Variants in TM9SF4 observed in about 807,000 individuals in gnomAD.
The protein encoded by TM9SF4 is transmembrane 9 superfamily member 4, also known as dinucleotide oxidase disulfide thiol exchanger 3 superfamily member 4.
TM9SF4 carries 26 observed loss-of-function variants against 90.4 expected under a neutral mutation model. The observed-to-expected ratio is 0.29, with a 90% CI of 0.21 to 0.40. TM9SF4 has a LOEUF of 0.40. Among genes scored for constraint, TM9SF4 ranks in the 10% least tolerant of loss-of-function variants. TM9SF4 has a pLI of 1.00. For synonymous variants in TM9SF4, 293 were observed against 315.4 expected (o/e 0.93, Z 0.75); for missense variants, 549 against 834.8 (o/e 0.66, Z 4.22).
chr20:32,113,705 T>C (rs2046181013), intron 1 of TM9SF4, among the ~76,000 whole-genome samples: 1 of 152,182 alleles, frequency 6.6e-6, no homozygotes, highest in Admixed American at 6.5e-5. Context: ...TTAAAGTATA[T>C]AATTTAGTGG....
chr20:32,126,121 C>T (rs2046419111), intron 1 of TM9SF4, among the ~76,000 whole-genome samples: 1 of 141,418 alleles, frequency 7.1e-6, no homozygotes, highest in Non-Finnish European at 1.5e-5. Context: ...GCCAGAGTAA[C>T]CTTTAAAACT....
chr20:32,125,179 GTCC>G (rs2046401420), intron 1 of TM9SF4, among the ~76,000 whole-genome samples: 1 of 152,060 alleles, frequency 6.6e-6, no homozygotes, highest in Admixed American at 6.5e-5. Context: ...CCCTTGCAGT[GTCC>G]TCCTTGGTTC....
chr20:32,160,142 G>A, intron 16 of TM9SF4, 31 bp downstream of exon 16: 2 of 1,613,710 alleles, frequency 1.2e-6, no homozygotes, highest in Non-Finnish European at 1.7e-6. Context: ...AGGCGGGGGA[G>A]GGAGAACTGG....
rs2046111421 is a variant in TM9SF4, at chr20:32,109,770, C to T, written c.15+15C>T. On this transcript the variant is annotated intron_variant, in intron 1 of 17. Transcript: ENST00000398022. The stretch of plus-strand genomic sequence containing the variant: ...CGACGGCGATGGTGAGTGAAGGAGA[C>T]TCCGGGAGCGGGAGCTGGAGCGGGG... The T allele has an allele frequency of 6.4e-7, 1 of 1,551,586 alleles. No individual in the cohort carries two copies. Among genetic ancestry groups the T allele is most frequent in the East Asian group, 2.4e-5 (1 of 40,912 alleles).
chr20:32,157,520 C>G (rs2046945298), intron 13 of TM9SF4, among the ~76,000 whole-genome samples: 2 of 152,214 alleles, frequency 1.3e-5, no homozygotes, highest in African/African-American at 4.8e-5. Flanking sequence ...TCTTCACGTT[C>G]TCAGTCCACT....
chr20:32,114,473 G>A (rs2046192906), intron 1 of TM9SF4, among the ~76,000 whole-genome samples: 1 of 152,154 alleles, frequency 6.6e-6, no homozygotes, highest in African/African-American at 2.4e-5. Context: ...TGGGACTACA[G>A]GCACGCACCA....
At position 32,163,355 on chromosome 20, in the gene TM9SF4, G is replaced by A. The variant is rs971479999; in HGVS notation, c.1780-1940G>A. 7.5e-5 allele frequency among the ~76,000 whole-genome samples: 11 copies of A among 146,854 alleles called. No homozygotes were observed. The Admixed American group carries it at 7.6e-4, about 10-fold the overall frequency. The stretch of plus-strand genomic sequence containing the variant: ...GGCTCTGTGCCCACGCCTTAGCCCT[G>A]TGTATCTTTTTTTGGCCTCAGTCTG... On this transcript the variant is annotated intron_variant, in intron 17 of 17. Transcript: ENST00000398022.
At chr20:32,161,486 A>G (rs1030681450) in intron 17 of TM9SF4, 121 bp downstream of exon 17, 35 of 812,398 alleles carry the variant, frequency 4.3e-5, no homozygotes, top group African/African-American at 3.9e-4. Context: ...GGGGAGGACC[A>G]AAGCCACCTA....
chr20:32,118,078 CA>C (rs1318225924), intron 1 of TM9SF4, among the ~76,000 whole-genome samples: 1 of 152,152 alleles, frequency 6.6e-6, no homozygotes, highest in East Asian at 1.9e-4. Context: ...ATCAGGCTAT[CA>C]GGAATATAGA....
At chr20:32,121,290 G>A (rs1379730412) in intron 1 of TM9SF4, among the ~76,000 whole-genome samples, 1 of 150,668 alleles carries the variant, frequency 6.6e-6, no homozygotes, top group Non-Finnish European at 1.5e-5. Flanking sequence ...GTGGAGGGAA[G>A]GTCAGCAGAT....
chr20:32,110,071 G>A (rs1381879388), intron 1 of TM9SF4: 1 of 1,283,212 alleles, frequency 7.8e-7, no homozygotes, highest in Non-Finnish European at 9.9e-7. Context: ...TCACCTCCCT[G>A]TCCTGACCCC....
In TM9SF4 at chr20:32,161,917, C is replaced by T. The variant is rs1428513372; in HGVS notation, c.1779+552C>T. ...ATGGGAAAGTTTTTCACAGGCACCTCGGAGCCCTCCTAACTCTGTGACCCC... is the reference window on the plus strand; with the variant it reads ...ATGGGAAAGTTTTTCACAGGCACCTTGGAGCCCTCCTAACTCTGTGACCCC... On this transcript the variant is annotated intron_variant, in intron 17 of 17. Coordinates refer to ENST00000398022, the MANE Select transcript of TM9SF4 (RefSeq NM_014742.4). Among the ~76,000 whole-genome samples, 5 of 152,272 alleles carry T rather than the reference C, an allele frequency of 3.3e-5. No homozygotes were observed. In the East Asian group the frequency reaches 5.8e-4, roughly 18 times the overall value.
Position 32,115,558 on chromosome 20 carries a change from C to T in TM9SF4, c.15+5803C>T, listed in dbSNP as rs1234951796. On this transcript the variant is annotated intron_variant, in intron 1 of 17. Coordinates refer to ENST00000398022, the MANE Select transcript of TM9SF4 (RefSeq NM_014742.4). ...TCTCATTCCTTTTCATTGCTTCCTT[C>T]TCTCCCTTCCTAACATGGTTTCTCA... Among the ~76,000 whole-genome samples the T allele has an allele frequency of 2.0e-5, 3 of 152,158 alleles. No homozygotes were observed. The East Asian group carries it at 5.8e-4, about 29-fold the overall frequency.
At chr20:32,128,391 T>C (rs572366374) in intron 1 of TM9SF4, among the ~76,000 whole-genome samples, 1 of 152,308 alleles carries the variant, frequency 6.6e-6, no homozygotes, top group East Asian at 1.9e-4. Context: ...TCAGGGAACT[T>C]GCTGAAATGC....
intron 3 of TM9SF4, among the ~76,000 whole-genome samples, chr20:32,138,545 T>G (rs2046626358): frequency 6.6e-6 from 1 of 152,220 alleles, no homozygotes. Flanking sequence ...TTATCCCAGC[T>G]ACTTGGGAGG....
At chr20:32,128,944 T>A (rs2046468118) in intron 1 of TM9SF4, among the ~76,000 whole-genome samples, 1 of 152,060 alleles carries the variant, frequency 6.6e-6, no homozygotes, top group Admixed American at 6.6e-5. Context: ...CATACCAAGC[T>A]AGGATTACTC....
chr20:32,125,008 T>G (rs2046398305), intron 1 of TM9SF4, among the ~76,000 whole-genome samples: 1 of 152,240 alleles, frequency 6.6e-6, no homozygotes, highest in South Asian at 2.1e-4. Flanking sequence ...AAGGGAATTA[T>G]GAACTTCTTG....
At chr20:32,158,054 GTTCCTGCCGC>G in intron 14 of TM9SF4, 85 bp downstream of exon 14, 7 of 1,545,366 alleles carry the variant, frequency 4.5e-6, no homozygotes, top group Non-Finnish European at 6.2e-6. Context: ...GGCAACCAGA[GTTCCTGCCGC>G]TTCAGCCGGC....
At chr20:32,158,003 C>T (rs1337273498) in intron 14 of TM9SF4, 34 bp downstream of exon 14, 44 of 1,611,422 alleles carry the variant, frequency 2.7e-5, no homozygotes, top group Non-Finnish European at 2.7e-5. Flanking sequence ...AGCAGGGGAA[C>T]GTGGAAGAGG....
Sources: gnomAD v4.1 joint callset for allele counts (sites outside exome capture counted in the v4.1 genomes callset) on GRCh38, gnomAD v4.1.1 for gene constraint, MANE v1.5 for transcripts, NCBI Gene and HGNC (gene_info 2026-07-23, HGNC 2026-07-21) for gene names.